KIF21A: variants seen among roughly 807,000 people sequenced by gnomAD.
KIF21A encodes the protein kinesin family member 21A.
In KIF21A, 114 loss-of-function variants were observed where a neutral mutation model predicts 202.9. That is an observed-to-expected ratio of 0.56 (90% CI 0.48 to 0.66). KIF21A has a LOEUF of 0.66. Ranked by LOEUF, KIF21A falls within the 30% of genes least tolerant of loss-of-function variation. KIF21A has a pLI of 0.00. For synonymous variants in KIF21A, 667 were observed against 670.8 expected (o/e 0.99, Z 0.09); for missense variants, 1,677 against 1,994.9 (o/e 0.84, Z 3.04).
chr12:39,324,037 A>C (rs1371930187), intron 26 of KIF21A, among the ~76,000 whole-genome samples: 2 of 151,960 alleles, frequency 1.3e-5, no homozygotes, highest in African/African-American at 4.8e-5. Context: ...GTGAACCCGG[A>C]AGGCGGAGGT....
chr12:39,419,582 A>G (rs1331667206), intron 1 of KIF21A, among the ~76,000 whole-genome samples: 1 of 152,190 alleles, frequency 6.6e-6, no homozygotes, highest in East Asian at 1.9e-4. Context: ...AATTTAAATG[A>G]AAGTCTCAAG....
At chr12:39,310,810 T>C (rs1405801366) in intron 32 of KIF21A, among the ~76,000 whole-genome samples, 1 of 152,030 alleles carries the variant, frequency 6.6e-6, no homozygotes, top group Non-Finnish European at 1.5e-5. Flanking sequence ...TTATAGCTGG[T>C]TTCCAGTTAC....
chr12:39,368,569 A>G (rs1196675459), intron 3 of KIF21A, among the ~76,000 whole-genome samples: 3 of 152,152 alleles, frequency 2.0e-5, no homozygotes, highest in Non-Finnish European at 2.9e-5. Context: ...CTATTTTTCT[A>G]TCAATATGTT....
intron 1 of KIF21A, among the ~76,000 whole-genome samples, chr12:39,437,552 T>C (rs764913803): frequency 6.6e-6 from 1 of 152,218 alleles, no homozygotes; most frequent in African/African-American, 2.4e-5. Context: ...TTTTGTATCA[T>C]TGTCTGTGAG....
intron 11 of KIF21A, among the ~76,000 whole-genome samples, chr12:39,349,524 A>G (rs941612529): frequency 1.3e-5 from 2 of 152,066 alleles, no homozygotes; most frequent in South Asian, 4.1e-4. Flanking sequence ...AAAACTGAGC[A>G]CTTTAGTAAA....
intron 1 of KIF21A, among the ~76,000 whole-genome samples, chr12:39,412,587 G>A (rs950046328): frequency 1.3e-5 from 2 of 152,090 alleles, no homozygotes; most frequent in African/African-American, 4.8e-5. Flanking sequence ...ATGGTGGCAT[G>A]TGTCTGTAGT....
At chr12:39,376,368 G>A (rs1950271605) in intron 1 of KIF21A, among the ~76,000 whole-genome samples, 5 of 152,004 alleles carry the variant, frequency 3.3e-5, no homozygotes, top group Admixed American at 3.3e-4. Context: ...GGTACAATAG[G>A]AGCCAAAATA....
chr12:39,313,331 C>G (rs933924438), intron 31 of KIF21A, among the ~76,000 whole-genome samples: 1 of 151,774 alleles, frequency 6.6e-6, no homozygotes, highest in Admixed American at 6.6e-5. Context: ...AAATCATTAT[C>G]CACTTAAAAA....
chr12:39,295,991 T>C (rs115060976), intron 37 of KIF21A, among the ~76,000 whole-genome samples: 8,388 of 115,268 alleles, frequency 0.073, 883 homozygotes, highest in African/African-American at 0.25. Context: ...AGCCACTGCG[T>C]CCACCCTGGG....
At position 39,357,383 on chromosome 12, in the gene KIF21A, C is replaced by T; in HGVS notation, c.1270G>A (p.Glu424Lys). The T allele has an allele frequency of 2.5e-6, 4 of 1,614,112 alleles. No homozygotes were observed. The highest frequency in any genetic ancestry group is 1.3e-5 in the African/African-American group (1 of 75,060). Reference protein sequence around the residue: ...GVESINDMFHENAMLQTENNN... With the variant: ...GVESINDMFHKNAMLQTENNN... ...TTTTCAGTCTGTAGCATAGCATTCTCATGAAACATGTCATTGATGCTTTCC... is the reference window on the plus strand; with the variant it reads ...TTTTCAGTCTGTAGCATAGCATTCTTATGAAACATGTCATTGATGCTTTCC... The change falls in exon 9 of 38, where the codon GAG (glutamate) becomes AAG (lysine). Residue 424 changes from glutamate to lysine, a missense_variant. Glu to Lys is a moderately conservative substitution (Grantham distance 56). Coordinates refer to ENST00000361418, the MANE Select transcript of KIF21A (RefSeq NM_001173464.2).
intron 1 of KIF21A, among the ~76,000 whole-genome samples, chr12:39,418,780 T>G (rs1953995892): frequency 6.6e-6 from 1 of 152,198 alleles, no homozygotes; most frequent in Admixed American, 6.5e-5. Context: ...TTACCAAAAA[T>G]GTAGCATTTA....
At chr12:39,409,893 G>A (rs1048079635) in intron 1 of KIF21A, among the ~76,000 whole-genome samples, 7 of 151,148 alleles carry the variant, frequency 4.6e-5, no homozygotes, top group Non-Finnish European at 5.9e-5. Flanking sequence ...GTGCAATGGC[G>A]CGATCTTGGC....
At chr12:39,354,731 T>A (rs1030552875) in intron 10 of KIF21A, among the ~76,000 whole-genome samples, 1 of 152,180 alleles carries the variant, frequency 6.6e-6, no homozygotes, top group Non-Finnish European at 1.5e-5. Context: ...TAGGTTGAAG[T>A]CGGGTTTAGC....
chr12:39,404,826 C>A (rs1952455218), intron 1 of KIF21A, among the ~76,000 whole-genome samples: 1 of 151,952 alleles, frequency 6.6e-6, no homozygotes, highest in South Asian at 2.1e-4. Context: ...TTTGTCTTGG[C>A]AAATTAAATA....
At chr12:39,364,333 T>C (rs1047035634) in intron 6 of KIF21A, among the ~76,000 whole-genome samples, 1 of 152,196 alleles carries the variant, frequency 6.6e-6, no homozygotes. Context: ...CTACTAGATA[T>C]GTCTCAACAT....
chr12:39,370,692 T>C (rs1454774792), intron 1 of KIF21A, among the ~76,000 whole-genome samples: 3 of 152,142 alleles, frequency 2.0e-5, no homozygotes, highest in Admixed American at 2.0e-4. Flanking sequence ...TTTATCTTAA[T>C]GTCTTGACGC....
chr12:39,318,151 G>T lies in KIF21A; in HGVS notation c.3830C>A (p.Pro1277Gln). The T allele has an allele frequency of 6.2e-7, 1 of 1,613,598 alleles. No individual in the cohort carries two copies. The highest frequency in any genetic ancestry group is 8.5e-7 in the Non-Finnish European group (1 of 1,179,608). Reference protein sequence around the residue: ...EASLSPPSSPPSRPRNELNVF... With the variant: ...EASLSPPSSPQSRPRNELNVF... Reference sequence around the variant, plus strand: ...ATTCAGTTCATTACGGGGCCGGCTTGGTGGGGAAGAAGGAGGTGAAAGACT... The same window carrying T: ...ATTCAGTTCATTACGGGGCCGGCTTTGTGGGGAAGAAGGAGGTGAAAGACT... Residue 1277 changes from proline (P) to glutamine (Q), a missense_variant, in exon 29 of 38, where the codon CCA becomes CAA. By Grantham distance (76) the Pro-to-Gln change is moderately conservative (BLOSUM62 -1). Coordinates refer to ENST00000361418, the MANE Select transcript of KIF21A (RefSeq NM_001173464.2).
At chr12:39,390,630 T>G (rs1178308498) in intron 1 of KIF21A, among the ~76,000 whole-genome samples, 2 of 152,132 alleles carry the variant, frequency 1.3e-5, no homozygotes, top group African/African-American at 2.4e-5. Flanking sequence ...ATATATACAC[T>G]GTAATGTATA....
chr12:39,400,964 A>T (rs1030519187), intron 1 of KIF21A, among the ~76,000 whole-genome samples: 1 of 152,170 alleles, frequency 6.6e-6, no homozygotes, highest in East Asian at 1.9e-4. Context: ...TTTTTATATA[A>T]TTATACTCAT....
Sources: allele counts gnomAD v4.1 joint callset (sites outside exome capture counted in the v4.1 genomes callset), GRCh38; gene constraint gnomAD v4.1.1; transcripts MANE v1.5; gene names NCBI Gene and HGNC (gene_info 2026-07-23, HGNC 2026-07-21).